Variants in GABRG3 observed in about 807,000 individuals in gnomAD.
The protein encoded by GABRG3 is gamma-aminobutyric acid receptor subunit gamma-3.
GABRG3 carries 25 observed loss-of-function variants against 48.8 expected under a neutral mutation model. The ratio of observed to expected loss-of-function variants is 0.51; its 90% CI spans 0.37 to 0.72. The LOEUF (loss-of-function observed/expected upper bound fraction) is 0.72, where lower values mean the gene tolerates loss of function less well. GABRG3 is among the 30% of genes least tolerant of loss of function. GABRG3 has a pLI of 0.00. For synonymous variants in GABRG3, 227 were observed against 217.6 expected (o/e 1.04, Z -0.38); for missense variants, 394 against 577.9 (o/e 0.68, Z 3.26).
intron 5 of GABRG3, among the ~76,000 whole-genome samples, chr15:27,410,231 G>A (rs956021052): frequency 2.0e-5 from 3 of 152,040 alleles, no homozygotes; most frequent in Non-Finnish European, 4.4e-5. Context: ...TTTAATCATT[G>A]AACTGTTGCT....
At chr15:27,520,162 T>C in intron 7 of GABRG3, 38 bp downstream of exon 7, 1 of 1,558,650 alleles carries the variant, frequency 6.4e-7, no homozygotes, top group Non-Finnish European at 8.7e-7. Context: ...ATTTGCGTAA[T>C]TGTAATATAG....
At chr15:27,207,626 C>A (rs1454371028) in intron 3 of GABRG3, among the ~76,000 whole-genome samples, 2 of 152,212 alleles carry the variant, frequency 1.3e-5, no homozygotes, top group Non-Finnish European at 2.9e-5. Flanking sequence ...TATCTCTGCA[C>A]AGCACGTGGA....
At chr15:27,469,977 A>T (rs1405157370) in intron 5 of GABRG3, among the ~76,000 whole-genome samples, 1 of 152,210 alleles carries the variant, frequency 6.6e-6, no homozygotes, top group Non-Finnish European at 1.5e-5. Context: ...GTGCTCCCAG[A>T]TTCATCGGAC....
At chr15:27,388,367 A>AGGAAAGGGAGGAGGGAGGGAG (rs1429966473) in intron 5 of GABRG3, among the ~76,000 whole-genome samples, 1 of 66,954 alleles carries the variant, frequency 1.5e-5, no homozygotes, top group Non-Finnish European at 3.0e-5. Context: ...GAAGGAAGGA[A>AGGAAAGGGAGGAGGGAGGGAG]GAAAGGAAGG....
At chr15:27,404,133 A>G (rs1387429918) in intron 5 of GABRG3, among the ~76,000 whole-genome samples, 1 of 152,080 alleles carries the variant, frequency 6.6e-6, no homozygotes, top group Non-Finnish European at 1.5e-5. Context: ...AGGCAGGAGA[A>G]TGGCACGAAC....
intron 3 of GABRG3, among the ~76,000 whole-genome samples, chr15:27,104,219 A>G (rs530159636): frequency 1.5e-3 from 228 of 152,326 alleles, no homozygotes; most frequent in African/African-American, 5.3e-3. Flanking sequence ...CCTCAAAACA[A>G]TTTCACTAAT....
chr15:27,531,827 A>G (rs2150866616), intron 9 of GABRG3, among the ~76,000 whole-genome samples: 1 of 152,310 alleles, frequency 6.6e-6, no homozygotes, highest in East Asian at 1.9e-4. Flanking sequence ...AGTGAATAGT[A>G]TGTTGTTCTC....
chr15:27,092,472 G>A (rs1897204342), intron 3 of GABRG3, among the ~76,000 whole-genome samples: 1 of 152,208 alleles, frequency 6.6e-6, no homozygotes, highest in South Asian at 2.1e-4. Context: ...TTGGACAGCT[G>A]TTTGCTGTCA....
chr15:27,142,028 G>A (rs1898113182), intron 3 of GABRG3, among the ~76,000 whole-genome samples: 1 of 152,092 alleles, frequency 6.6e-6, no homozygotes, highest in African/African-American at 2.4e-5. Flanking sequence ...GAGTGGAAAA[G>A]TTTTTACACA....
chr15:27,293,745 AT>A (rs1891880805), intron 3 of GABRG3, among the ~76,000 whole-genome samples: 1 of 152,058 alleles, frequency 6.6e-6, no homozygotes. Context: ...GGGATTATGC[AT>A]ATTCAACTTG....
chr15:27,509,267 T>C (rs532791031), intron 6 of GABRG3, among the ~76,000 whole-genome samples: 1 of 152,268 alleles, frequency 6.6e-6, no homozygotes, highest in African/African-American at 2.4e-5. Context: ...GCTTCCAAAA[T>C]GTTCCCTTTG....
intron 5 of GABRG3, among the ~76,000 whole-genome samples, chr15:27,473,536 C>T (rs1889848423): frequency 6.6e-6 from 1 of 152,188 alleles, no homozygotes; most frequent in African/African-American, 2.4e-5. Context: ...GATAGTTTTA[C>T]TTAATCTATG....
intron 3 of GABRG3, among the ~76,000 whole-genome samples, chr15:27,079,307 CAAATA>C (rs1896956319): frequency 6.6e-6 from 1 of 152,018 alleles, no homozygotes; most frequent in South Asian, 2.1e-4. Context: ...AAAAAAAAGG[CAAATA>C]ATTTTGTTTT....
chr15:27,080,062 AAG>A (rs941373491), intron 3 of GABRG3, among the ~76,000 whole-genome samples: 3 of 152,076 alleles, frequency 2.0e-5, no homozygotes, highest in Admixed American at 6.6e-5. Flanking sequence ...GTCCATTTGG[AAG>A]AGAGTCATCT....
At chr15:27,197,734 G>A (rs938091898) in intron 3 of GABRG3, among the ~76,000 whole-genome samples, 8 of 152,174 alleles carry the variant, frequency 5.3e-5, no homozygotes, top group Non-Finnish European at 1.0e-4. Context: ...AATCTGTCTC[G>A]TCCTGGGCTT....
intron 3 of GABRG3, among the ~76,000 whole-genome samples, chr15:27,030,556 G>T (rs1304620873): frequency 6.6e-6 from 1 of 152,186 alleles, no homozygotes; most frequent in Non-Finnish European, 1.5e-5. Flanking sequence ...ACCTAAATGT[G>T]TAGCATTCAT....
chr15:27,155,833 C>T (rs190600013), intron 3 of GABRG3, among the ~76,000 whole-genome samples: 28 of 152,186 alleles, frequency 1.8e-4, no homozygotes, highest in East Asian at 1.9e-4. Context: ...GGAAATCAAA[C>T]GCCTGTCTCC....
intron 5 of GABRG3, chr15:27,362,920 A>G (rs1337110883): frequency 1.3e-5 from 2 of 152,244 alleles, no homozygotes; most frequent in Admixed American, 6.5e-5. Flanking sequence ...ACGAGAAAGT[A>G]CATAGGTGAA....
chr15:27,009,863 T>TTCCTCCTCCTCCTCCTGC (rs1895653124), intron 2 of GABRG3, among the ~76,000 whole-genome samples: 1 of 151,708 alleles, frequency 6.6e-6, no homozygotes, highest in Non-Finnish European at 1.5e-5. Flanking sequence ...TCCTCTTCCT[T>TTCCTCCTCCTCCTCCTGC]TCCTCCTCCT....
Sources: allele counts gnomAD v4.1 joint callset (sites outside exome capture counted in the v4.1 genomes callset), GRCh38; gene constraint gnomAD v4.1.1; transcripts MANE v1.5; gene names NCBI Gene and HGNC (gene_info 2026-07-23, HGNC 2026-07-21).